The following MICU3 variants were observed in gnomAD, a reference collection of about 807,000 sequenced individuals.
MICU3 encodes mitochondrial calcium uptake 3.
In MICU3, 62 loss-of-function variants were observed where a neutral mutation model predicts 66.5. The observed-to-expected ratio is 0.93, with a 90% CI of 0.76 to 1.15. The LOEUF (loss-of-function observed/expected upper bound fraction) is 1.15, where lower values mean the gene tolerates loss of function less well. Among genes scored for constraint, MICU3 ranks in the 50% most tolerant of loss-of-function variants. The pLI is 0.00. For missense variants in MICU3, 779 were observed against 664.4 expected (o/e 1.17, Z -1.90); for synonymous variants, 308 against 240.7 (o/e 1.28, Z -2.59).
chr8:17,050,964 G>A (rs531181562), intron 1 of MICU3, among the ~76,000 whole-genome samples: 1 of 152,222 alleles, frequency 6.6e-6, no homozygotes, highest in African/African-American at 2.4e-5. Context: ...GCATTAGATT[G>A]GTCCAGTTTC....
intron 1 of MICU3, among the ~76,000 whole-genome samples, chr8:17,044,298 T>C (rs543444420): frequency 3.0e-4 from 45 of 152,316 alleles, no homozygotes; most frequent in African/African-American, 1.1e-3. Context: ...GGTTCCAGGC[T>C]AATACAGAAG....
intron 3 of MICU3, among the ~76,000 whole-genome samples, chr8:17,075,724 T>G (rs1206245538): frequency 2.6e-5 from 4 of 152,208 alleles, no homozygotes; most frequent in Non-Finnish European, 5.9e-5. Flanking sequence ...CTCTGTCATT[T>G]ATTAGTTCTG....
chr8:17,077,662 A>G (rs1257959709), intron 3 of MICU3, 121 bp from the exon 4 acceptor site: 1 of 625,576 alleles, frequency 1.6e-6, no homozygotes, highest in East Asian at 2.9e-5. Flanking sequence ...ACATAGGATA[A>G]ATAATGCCAT....
chr8:17,066,517 CTATATATATA>C (rs71212675), intron 2 of MICU3, among the ~76,000 whole-genome samples: 1 of 105,062 alleles, frequency 9.5e-6, no homozygotes, highest in Non-Finnish European at 1.8e-5. Flanking sequence ...TGTTAATAAT[CTATATATATA>C]TATATATATA....
chr8:17,108,142 C>T (rs1801895744), intron 11 of MICU3, among the ~76,000 whole-genome samples: 1 of 152,104 alleles, frequency 6.6e-6, no homozygotes. Context: ...GAAACAATGC[C>T]ATTTGCTGAG....
intron 1 of MICU3, among the ~76,000 whole-genome samples, chr8:17,033,320 T>A (rs1418570787): frequency 1.3e-5 from 2 of 152,242 alleles, no homozygotes; most frequent in Non-Finnish European, 2.9e-5. Context: ...ACACAGATTA[T>A]AAGGAGACAA....
chr8:17,091,025 T>A (rs1014338253), intron 8 of MICU3, among the ~76,000 whole-genome samples: 1 of 152,090 alleles, frequency 6.6e-6, no homozygotes, highest in African/African-American at 2.4e-5. Flanking sequence ...ATTTTCACTT[T>A]TGCTCACAAT....
chr8:17,069,648 A>G (rs1819250304), intron 2 of MICU3, 40 bp from the exon 3 acceptor site: 2 of 1,258,280 alleles, frequency 1.6e-6, no homozygotes, highest in African/African-American at 1.5e-5. Context: ...TATTCCATGA[A>G]GTATTTATTA....
chr8:17,090,913 A>G (rs934003657), intron 8 of MICU3, among the ~76,000 whole-genome samples: 28 of 152,254 alleles, frequency 1.8e-4, no homozygotes, highest in African/African-American at 4.3e-4. Flanking sequence ...TTCTCAGGCT[A>G]TGTTCCTGCA....
At chr8:17,062,952 C>A (rs369247033) in intron 1 of MICU3, among the ~76,000 whole-genome samples, 7 of 151,654 alleles carry the variant, frequency 4.6e-5, no homozygotes, top group African/African-American at 1.7e-4. Flanking sequence ...GGTCATTATA[C>A]CATTGTTTTG....
intron 11 of MICU3, 89 bp from the exon 12 acceptor site, chr8:17,114,004 C>G (rs1585562082): frequency 2.6e-6 from 2 of 757,992 alleles, no homozygotes; most frequent in Non-Finnish European, 4.2e-6. Flanking sequence ...ATTGCAAATG[C>G]TTAATCTGTT....
chr8:17,044,895 C>T (rs1232157468), intron 1 of MICU3, among the ~76,000 whole-genome samples: 7 of 152,220 alleles, frequency 4.6e-5, no homozygotes, highest in African/African-American at 1.7e-4. Flanking sequence ...GCTAAGGGAA[C>T]ACGTTTTAAT....
At chr8:17,089,216 A>G (rs754035041) in intron 7 of MICU3, among the ~76,000 whole-genome samples, 4 of 152,034 alleles carry the variant, frequency 2.6e-5, no homozygotes, top group African/African-American at 2.4e-5. Context: ...GCTCTTCCTT[A>G]AAACAATTCA....
chr8:17,055,900 G>A (rs1343965703), intron 1 of MICU3, among the ~76,000 whole-genome samples: 1 of 152,170 alleles, frequency 6.6e-6, no homozygotes, highest in East Asian at 1.9e-4. Flanking sequence ...TGAGAAGGGA[G>A]ATGATCGTTT....
intron 1 of MICU3, among the ~76,000 whole-genome samples, chr8:17,031,712 C>T (rs553174638): frequency 1.6e-4 from 24 of 152,170 alleles, no homozygotes; most frequent in South Asian, 1.0e-3. Flanking sequence ...ATAAGCCTGG[C>T]GTGTAAATTA....
At position 17,083,503 on chromosome 8, in the gene MICU3, A is replaced by G. The variant is rs1821501814; in HGVS notation, c.695-1733A>G. 2.0e-5 allele frequency among the ~76,000 whole-genome samples: 3 copies of G among 152,164 alleles called. No individual in the cohort carries two copies. In the South Asian group the frequency reaches 6.2e-4, roughly 32 times the overall value. On this transcript the variant is annotated intron_variant, in intron 5 of 14. Transcript: ENST00000318063. ...TTAAACTATAAACTAAGTTCCTCCCAAAGTTAGTTTGGCCTAACTAAACAA... is the reference window on the plus strand; with the variant it reads ...TTAAACTATAAACTAAGTTCCTCCCGAAGTTAGTTTGGCCTAACTAAACAA...
intron 3 of MICU3, among the ~76,000 whole-genome samples, chr8:17,074,811 A>G (rs1349923007): frequency 6.6e-6 from 1 of 152,064 alleles, no homozygotes; most frequent in Non-Finnish European, 1.5e-5. Context: ...TTTAAAAGGC[A>G]ACTATAATTC....
the MICU3 span, among the ~76,000 whole-genome samples, chr8:17,136,853 T>G: frequency 4.0e-5 from 6 of 151,362 alleles, no homozygotes; most frequent in Middle Eastern, 3.4e-3. Flanking sequence ...TTTTTTTTTT[T>G]GAGACGGAGT....
chr8:17,033,600 C>G (rs973648637), intron 1 of MICU3, among the ~76,000 whole-genome samples: 1 of 152,046 alleles, frequency 6.6e-6, no homozygotes, highest in Non-Finnish European at 1.5e-5. Flanking sequence ...CCACACCCAG[C>G]TAATTTTTTT....
Sources: gnomAD v4.1 joint callset for allele counts (sites outside exome capture counted in the v4.1 genomes callset) on GRCh38, gnomAD v4.1.1 for gene constraint, MANE v1.5 for transcripts, NCBI Gene and HGNC (gene_info 2026-07-23, HGNC 2026-07-21) for gene names.